Variants in OR10J1 observed in about 807,000 individuals in gnomAD.
OR10J1 encodes olfactory receptor family 10 subfamily J member 1.
For missense variants in OR10J1, 474 were observed against 376.6 expected, an observed-to-expected ratio of 1.26 and a Z score of -2.14; for synonymous variants, 202 against 143.8, an observed-to-expected ratio of 1.40 and a Z score of -2.89.
At chr1:159,406,516 C>T in the OR10J1 span, 1 of 212,536 alleles carries the variant, frequency 4.7e-6, no homozygotes, top group Non-Finnish European at 9.6e-6. Flanking sequence ...CTTTGTTCCT[C>T]TACTGATCAA....
At chr1:159,433,122 G>T, upstream of OR10J1, 1 of 425,298 alleles carries the variant, frequency 2.4e-6, no homozygotes, top group Admixed American at 3.9e-5. Flanking sequence ...GCTTTGGGCA[G>T]AAAGCCTCTC....
At chr1:159,412,446 G>A in the OR10J1 span, among the ~76,000 whole-genome samples, 1,816 of 149,844 alleles carry the variant, frequency 0.012, 12 homozygotes, top group Middle Eastern at 0.024. Context: ...ATACTACAAG[G>A]CTACAGTAAC....
chr1:159,439,346 T>C (rs902282327), upstream of OR10J1, among the ~76,000 whole-genome samples: 6 of 152,140 alleles, frequency 3.9e-5, no homozygotes, highest in African/African-American at 1.4e-4. Context: ...TGCTAAGTGT[T>C]TGTATGAGGT....
In OR10J1 at chr1:159,439,732, CT is replaced by C; in HGVS notation, c.-59del. The C allele has an allele frequency of 6.3e-7, 1 of 1,598,730 alleles. No individual in the cohort carries two copies. The highest frequency in any genetic ancestry group is 8.5e-7 in the Non-Finnish European group (1 of 1,169,608). ...AATCAATTTCAGAAATGTGCTTCTA[CT>C]GCTTTACTGGGACTATGTGACTTTT... On this transcript the variant is annotated 5_prime_UTR_variant, in exon 1 of 1. Coordinates refer to ENST00000423932, the MANE Select transcript of OR10J1 (RefSeq NM_012351.3).
the OR10J1 span, among the ~76,000 whole-genome samples, chr1:159,399,294 A>G: frequency 6.6e-6 from 1 of 152,146 alleles, no homozygotes; most frequent in African/African-American, 2.4e-5. Context: ...AATTCTGGCC[A>G]GGCGCGATGG....
At chr1:159,426,205 A>G in the OR10J1 span, among the ~76,000 whole-genome samples, 1 of 151,918 alleles carries the variant, frequency 6.6e-6, no homozygotes, top group Non-Finnish European at 1.5e-5. Context: ...ATATTCAAAA[A>G]TTTATTTAAT....
At chr1:159,411,316 T>G in the OR10J1 span, among the ~76,000 whole-genome samples, 3 of 152,154 alleles carry the variant, frequency 2.0e-5, no homozygotes, top group Non-Finnish European at 2.9e-5. Context: ...TCTCCCATTT[T>G]TATTGTGTGG....
At chr1:159,400,849 A>G in the OR10J1 span, among the ~76,000 whole-genome samples, 266 of 152,114 alleles carry the variant, frequency 1.7e-3, no homozygotes, top group Non-Finnish European at 2.9e-3. Flanking sequence ...ATCATTCTGA[A>G]GGATAGACTA....
upstream of OR10J1, among the ~76,000 whole-genome samples, chr1:159,437,224 AGG>A (rs914435495): frequency 5.3e-5 from 8 of 152,232 alleles, no homozygotes; most frequent in Non-Finnish European, 7.3e-5. Flanking sequence ...CCTAGCCTCC[AGG>A]AGAGAATCTT....
chr1:159,405,189 A>G, the OR10J1 span, among the ~76,000 whole-genome samples: 1 of 152,164 alleles, frequency 6.6e-6, no homozygotes, highest in Non-Finnish European at 1.5e-5. Flanking sequence ...GAACAACTAA[A>G]TTAACACTTT....
Position 159,440,845 on chromosome 1 carries a change from C to A in OR10J1, c.*124C>A. The A allele has an allele frequency of 2.0e-6, 2 of 976,588 alleles. No homozygotes were observed. Among genetic ancestry groups the A allele is most frequent in the Non-Finnish European group, 3.0e-6 (2 of 668,850 alleles). The allele number at this position is 976,588 out of a possible 1,614,324, so 60.5% of individuals were successfully genotyped here. On this transcript the variant is annotated 3_prime_UTR_variant, in exon 1 of 1. Coordinates refer to ENST00000423932, the MANE Select transcript of OR10J1 (RefSeq NM_012351.3). Reference sequence around the variant, plus strand: ...TAAATAAGAGGCAAAAGAGGAATAGCAGTTTCATACAACTGGGAGTCTGAA... The same window carrying A: ...TAAATAAGAGGCAAAAGAGGAATAGAAGTTTCATACAACTGGGAGTCTGAA...
At chr1:159,431,728 T>C in the OR10J1 span, among the ~76,000 whole-genome samples, 1 of 152,156 alleles carries the variant, frequency 6.6e-6, no homozygotes, top group Admixed American at 6.5e-5. Context: ...TTCAGTACAA[T>C]ATTCAAAAAT....
At chr1:159,436,232 A>G (rs1655734414), upstream of OR10J1, among the ~76,000 whole-genome samples, 1 of 152,042 alleles carries the variant, frequency 6.6e-6, no homozygotes, top group Non-Finnish European at 1.5e-5. Context: ...ATGATATCTG[A>G]TCATGAACCA....
At chr1:159,413,201 G>A in the OR10J1 span, among the ~76,000 whole-genome samples, 1 of 152,136 alleles carries the variant, frequency 6.6e-6, no homozygotes, top group Admixed American at 6.6e-5. Flanking sequence ...AGGTGCTGGA[G>A]AGGATATGGA....
chr1:159,417,374 T>C, the OR10J1 span, among the ~76,000 whole-genome samples: 2 of 152,146 alleles, frequency 1.3e-5, no homozygotes, highest in Non-Finnish European at 2.9e-5. Context: ...TCATCTTAAA[T>C]TGTAGTTCCC....
chr1:159,410,235 C>T, the OR10J1 span, among the ~76,000 whole-genome samples: 2 of 152,152 alleles, frequency 1.3e-5, no homozygotes, highest in East Asian at 1.9e-4. Context: ...GGAGGACTCC[C>T]TCTTTTTCTG....
the OR10J1 span, among the ~76,000 whole-genome samples, chr1:159,404,753 C>T: frequency 6.6e-6 from 1 of 152,134 alleles, no homozygotes; most frequent in African/African-American, 2.4e-5. Context: ...ATCACTACAA[C>T]TGTCTAGTTT....
chr1:159,430,668 T>TGTGCAC, the OR10J1 span, among the ~76,000 whole-genome samples: 1 of 69,614 alleles, frequency 1.4e-5, no homozygotes, highest in Non-Finnish European at 5.0e-5. Flanking sequence ...TGTGTGTGTG[T>TGTGCAC]GCGCGCGCGC....
chr1:159,423,674 C>T, the OR10J1 span, among the ~76,000 whole-genome samples: 2 of 152,178 alleles, frequency 1.3e-5, no homozygotes, highest in African/African-American at 2.4e-5. Flanking sequence ...GAGAGACTTT[C>T]CTCCAGTCTC....
Sources: allele counts gnomAD v4.1 joint callset (sites outside exome capture counted in the v4.1 genomes callset), GRCh38; gene constraint gnomAD v4.1.1; transcripts MANE v1.5; gene names NCBI Gene and HGNC (gene_info 2026-07-23, HGNC 2026-07-21).